Variants in SLC25A48 observed in about 807,000 individuals in gnomAD.
SLC25A48 encodes the protein solute carrier family 25 member 48.
A neutral mutation model predicts 32.2 loss-of-function variants in SLC25A48; 29 were observed. That is an observed-to-expected ratio of 0.90 (90% CI 0.67 to 1.23). SLC25A48 has a LOEUF of 1.23. SLC25A48 is among the 50% of genes most tolerant of loss of function. The pLI is 0.00. For missense variants in SLC25A48, 399 were observed against 422.7 expected (o/e 0.94, Z 0.49); for synonymous variants, 164 against 172.3 (o/e 0.95, Z 0.38).
intron 1 of SLC25A48, among the ~76,000 whole-genome samples, chr5:135,838,161 T>C (rs1204800894): frequency 2.6e-5 from 4 of 152,228 alleles, no homozygotes; most frequent in Admixed American, 6.5e-5. Context: ...GCAAAGAGAC[T>C]GGTGACATTT....
intron 3 of SLC25A48, among the ~76,000 whole-genome samples, chr5:135,850,954 G>A (rs1253340941): frequency 2.0e-5 from 3 of 152,152 alleles, no homozygotes; most frequent in Middle Eastern, 3.2e-3. Context: ...TTCCTTTTCC[G>A]AAGGGAAAAC....
intron 3 of SLC25A48, among the ~76,000 whole-genome samples, chr5:135,789,057 C>T (rs1030993143): frequency 4.6e-5 from 7 of 150,992 alleles, no homozygotes; most frequent in African/African-American, 9.7e-5. Flanking sequence ...ACCCCCATGC[C>T]ATATGGTCTG....
intron 2 of SLC25A48, among the ~76,000 whole-genome samples, chr5:135,845,146 G>C (rs1301251162): frequency 6.6e-6 from 1 of 152,244 alleles, no homozygotes; most frequent in Non-Finnish European, 1.5e-5. Flanking sequence ...CTCCGAGGGA[G>C]AACCTGCCAC....
chr5:135,726,109 A>T (rs544870177), intron 3 of SLC25A48, among the ~76,000 whole-genome samples: 1 of 152,358 alleles, frequency 6.6e-6, no homozygotes, highest in Admixed American at 6.5e-5. Context: ...CTATAGCCAG[A>T]GTCTGGCCCT....
intron 3 of SLC25A48, among the ~76,000 whole-genome samples, chr5:135,765,492 C>A (rs1756190348): frequency 6.6e-6 from 1 of 150,924 alleles, no homozygotes; most frequent in African/African-American, 2.4e-5. Context: ...TTGGTAATAT[C>A]CAGAGGGTGA....
Position 135,586,030 on chromosome 5 carries a change from T to C in SLC25A48, c.-849+6433T>C, listed in dbSNP as rs539242381. On this transcript the variant is annotated intron_variant, in intron 1 of 10. Transcript: ENST00000646290. Reference sequence around the variant, plus strand: ...TTCTAAGTGCTATACAAATATTAATTTATTTAATTTTCATAACCACACAAA... The same window carrying C: ...TTCTAAGTGCTATACAAATATTAATCTATTTAATTTTCATAACCACACAAA... Among the ~76,000 whole-genome samples, 9 of 152,350 alleles carry C rather than the reference T, an allele frequency of 5.9e-5. No individual in the cohort carries two copies. The South Asian group carries it at 1.9e-3, about 32-fold the overall frequency.
intron 3 of SLC25A48, among the ~76,000 whole-genome samples, chr5:135,755,265 A>T (rs533461099): frequency 6.6e-6 from 1 of 152,236 alleles, no homozygotes; most frequent in South Asian, 2.1e-4. Context: ...GCCAGTGTTC[A>T]CACACAGTGT....
chr5:135,796,625 G>A (rs1316285311), intron 3 of SLC25A48, among the ~76,000 whole-genome samples: 18 of 105,050 alleles, frequency 1.7e-4, no homozygotes, highest in African/African-American at 4.0e-4. Flanking sequence ...GTTATGGTTC[G>A]TAATATCCAG....
chr5:135,871,932 T>C, intron 5 of SLC25A48: 6 of 1,460,346 alleles, frequency 4.1e-6, no homozygotes, highest in Non-Finnish European at 5.4e-6. Flanking sequence ...CAGTTCCCAT[T>C]TGACTTTCAG....
chr5:135,870,968 G>A (rs1187459295), intron 4 of SLC25A48, among the ~76,000 whole-genome samples: 5 of 150,290 alleles, frequency 3.3e-5, no homozygotes, highest in Admixed American at 2.0e-4. Flanking sequence ...TTCAATAAGC[G>A]GTAGAGCTAG....
chr5:135,600,846 G>A (rs1332337220), intron 1 of SLC25A48, among the ~76,000 whole-genome samples: 1 of 111,444 alleles, frequency 9.0e-6, no homozygotes, highest in East Asian at 2.4e-4. Context: ...CCATGCCCGG[G>A]TATTTTTTTT....
chr5:135,873,152 C>A (rs1761794249), intron 5 of SLC25A48, among the ~76,000 whole-genome samples: 1 of 152,192 alleles, frequency 6.6e-6, no homozygotes, highest in African/African-American at 2.4e-5. Flanking sequence ...CCTGGAGGAC[C>A]AAGGGCAGGA....
intron 3 of SLC25A48, among the ~76,000 whole-genome samples, chr5:135,791,792 C>A (rs977255445): frequency 2.0e-5 from 3 of 151,340 alleles, no homozygotes; most frequent in African/African-American, 7.3e-5. Context: ...ATTTGTAATA[C>A]CCTAGGATGA....
chr5:135,663,273 A>G (rs1205397168), intron 3 of SLC25A48, among the ~76,000 whole-genome samples: 3 of 152,098 alleles, frequency 2.0e-5, no homozygotes, highest in African/African-American at 7.2e-5. Flanking sequence ...ATACTTTCTG[A>G]TCTCTGTACT....
chr5:135,779,227 C>T (rs1561489295), intron 3 of SLC25A48, among the ~76,000 whole-genome samples: 1 of 151,962 alleles, frequency 6.6e-6, no homozygotes, highest in African/African-American at 2.4e-5. Context: ...GTGCACACCC[C>T]TGTGATATTG....
At chr5:135,697,776 G>A (rs1754302039) in intron 3 of SLC25A48, among the ~76,000 whole-genome samples, 1 of 152,210 alleles carries the variant, frequency 6.6e-6, no homozygotes, top group Non-Finnish European at 1.5e-5. Context: ...TGTTCCTGGT[G>A]TATCTCCAGA....
At chr5:135,733,100 T>C (rs138715435) in intron 3 of SLC25A48, among the ~76,000 whole-genome samples, 1,536 of 152,322 alleles carry the variant, frequency 0.01, 34 homozygotes, top group African/African-American at 0.035. Context: ...AGTATAAATA[T>C]TGACACATAG....
intron 4 of SLC25A48, among the ~76,000 whole-genome samples, chr5:135,821,163 C>G (rs1355186365): frequency 6.6e-6 from 1 of 152,182 alleles, no homozygotes; most frequent in Non-Finnish European, 1.5e-5. Context: ...GTGGAGAGGA[C>G]TACATGACAC....
At chr5:135,833,704 G>A (rs1372602335), upstream of SLC25A48, among the ~76,000 whole-genome samples, 1 of 152,226 alleles carries the variant, frequency 6.6e-6, no homozygotes, top group Admixed American at 6.5e-5. Flanking sequence ...TCCACTCTCT[G>A]TGTGCCGGGG....
Sources: allele counts gnomAD v4.1 joint callset (sites outside exome capture counted in the v4.1 genomes callset), GRCh38; gene constraint gnomAD v4.1.1; transcripts MANE v1.5; gene names NCBI Gene and HGNC (gene_info 2026-07-23, HGNC 2026-07-21).